Variants in PPP1R1C observed in about 807,000 individuals in gnomAD.
The protein encoded by PPP1R1C is protein phosphatase 1 regulatory inhibitor subunit 1C, also known as protein phosphatase 1 regulatory subunit 1C.
A neutral mutation model predicts 17.4 loss-of-function variants in PPP1R1C; 15 were observed. The ratio of observed to expected loss-of-function variants is 0.86; its 90% CI spans 0.58 to 1.33. PPP1R1C has a LOEUF of 1.33. PPP1R1C is among the 40% of genes most tolerant of loss of function. The pLI is 0.00. For missense variants in PPP1R1C, 143 were observed against 130.0 expected, an observed-to-expected ratio of 1.10 and a Z score of -0.48; for synonymous variants, 35 against 43.1, an observed-to-expected ratio of 0.81 and a Z score of 0.73.
chr2:181,982,681 A>G (rs1233069620), upstream of PPP1R1C, among the ~76,000 whole-genome samples: 1 of 152,158 alleles, frequency 6.6e-6, no homozygotes, highest in East Asian at 1.9e-4. Flanking sequence ...GGGAGGCAGG[A>G]TGGCTTCCAG....
In PPP1R1C at chr2:182,010,159, A is replaced by G. The variant is rs918254645; in HGVS notation, c.142+22260A>G. Reference sequence around the variant, plus strand: ...GTTTTTTTTTTCTATTTCTGTGAAAAGTGTCATTGGTATTTTTATGGGGAT... The same window carrying G: ...GTTTTTTTTTTCTATTTCTGTGAAAGGTGTCATTGGTATTTTTATGGGGAT... On this transcript the variant is annotated intron_variant, in intron 2 of 4. Transcript: ENST00000682840. Among the ~76,000 whole-genome samples the G allele has an allele frequency of 1.8e-4, 27 of 151,848 alleles. 1 individual carries two copies. The highest frequency in any genetic ancestry group is 1.5e-3 in the South Asian group (7 of 4,812).
At chr2:182,107,571 C>G (rs148557735) in intron 4 of PPP1R1C, among the ~76,000 whole-genome samples, 2,283 of 152,284 alleles carry the variant, frequency 0.015, 34 homozygotes, top group South Asian at 0.059. Flanking sequence ...TCCTCACCTT[C>G]TCTTATGCAA....
chr2:182,097,308 C>T (rs1688968871), intron 4 of PPP1R1C, among the ~76,000 whole-genome samples: 1 of 152,142 alleles, frequency 6.6e-6, no homozygotes. Context: ...CCCTAATGTG[C>T]TAGGTTAAAA....
chr2:182,098,207 G>A (rs1182684231), intron 4 of PPP1R1C, among the ~76,000 whole-genome samples: 2 of 151,870 alleles, frequency 1.3e-5, no homozygotes, highest in Non-Finnish European at 2.9e-5. Context: ...TTGTATACCA[G>A]CAGCCTAGAA....
intron 2 of PPP1R1C, among the ~76,000 whole-genome samples, chr2:182,036,124 T>A (rs983133543): frequency 6.6e-6 from 1 of 152,204 alleles, no homozygotes; most frequent in Admixed American, 6.5e-5. Flanking sequence ...AAATTCAACC[T>A]GAATTTGATT....
intron 4 of PPP1R1C, among the ~76,000 whole-genome samples, chr2:182,102,977 A>AT (rs1290325725): frequency 3.3e-5 from 5 of 151,596 alleles, no homozygotes; most frequent in South Asian, 2.1e-4. Context: ...TGGCTGATTT[A>AT]TTTTTTTATA....
upstream of PPP1R1C, among the ~76,000 whole-genome samples, chr2:181,983,096 C>T (rs1259641524): frequency 2.0e-5 from 3 of 152,146 alleles, no homozygotes; most frequent in Non-Finnish European, 4.4e-5. Context: ...TCATATACCA[C>T]GTCATCTTAA....
chr2:182,041,090 G>A (rs1037244494), intron 2 of PPP1R1C, among the ~76,000 whole-genome samples: 13 of 152,034 alleles, frequency 8.6e-5, no homozygotes, highest in South Asian at 4.1e-4. Context: ...AATGCGATAC[G>A]TCCAGATTTG....
At chr2:182,020,116 G>A (rs1686374086) in intron 2 of PPP1R1C, among the ~76,000 whole-genome samples, 1 of 152,176 alleles carries the variant, frequency 6.6e-6, no homozygotes, top group Non-Finnish European at 1.5e-5. Flanking sequence ...GCTGATGACT[G>A]TAAAGATTTA....
At chr2:182,026,463 G>C (rs1401545980) in intron 2 of PPP1R1C, among the ~76,000 whole-genome samples, 1 of 136,280 alleles carries the variant, frequency 7.3e-6, no homozygotes, top group Non-Finnish European at 1.6e-5. Context: ...TTATTAAATA[G>C]GGAATCCTTT....
upstream of PPP1R1C, among the ~76,000 whole-genome samples, chr2:181,982,267 G>A (rs1213623703): frequency 3.3e-5 from 5 of 152,116 alleles, no homozygotes; most frequent in Non-Finnish European, 7.4e-5. Flanking sequence ...TAAGAACTAT[G>A]TATCTATGGT....
intron 2 of PPP1R1C, among the ~76,000 whole-genome samples, chr2:182,037,359 C>T (rs1687042161): frequency 6.6e-6 from 1 of 152,074 alleles, no homozygotes; most frequent in Admixed American, 6.5e-5. Context: ...GAGGCCAAGG[C>T]CAGAGGATCA....
At chr2:182,002,938 C>CA (rs1461754892) in intron 2 of PPP1R1C, among the ~76,000 whole-genome samples, 1 of 142,246 alleles carries the variant, frequency 7.0e-6, no homozygotes, top group South Asian at 2.4e-4. Context: ...CCTCCCCCCC[C>CA]CCACAACCCT....
chr2:182,103,831 A>G (rs917924671), intron 4 of PPP1R1C: 4 of 152,236 alleles, frequency 2.6e-5, no homozygotes, highest in Admixed American at 2.6e-4. Context: ...GAGTAAGTAG[A>G]AGCAAACAGC....
chr2:182,093,027 A>G (rs1688829675), intron 4 of PPP1R1C, among the ~76,000 whole-genome samples: 1 of 152,130 alleles, frequency 6.6e-6, no homozygotes, highest in African/African-American at 2.4e-5. Context: ...TTGACCCCAC[A>G]TTTCCCCTCT....
At chr2:182,075,138 A>G (rs929526354) in intron 4 of PPP1R1C, among the ~76,000 whole-genome samples, 5 of 152,216 alleles carry the variant, frequency 3.3e-5, no homozygotes, top group African/African-American at 1.2e-4. Flanking sequence ...TACCAATGGG[A>G]GCTATGTTGT....
At chr2:181,978,738 C>G (rs990027430) in intron 2 of PPP1R1C, among the ~76,000 whole-genome samples, 1 of 152,002 alleles carries the variant, frequency 6.6e-6, no homozygotes, top group African/African-American at 2.4e-5. Context: ...CTATAGTTTA[C>G]ATATGAGTCA....
At chr2:182,113,726 A>T (rs1236936995) in intron 4 of PPP1R1C, among the ~76,000 whole-genome samples, 1 of 151,704 alleles carries the variant, frequency 6.6e-6, no homozygotes, top group African/African-American at 2.4e-5. Flanking sequence ...GTTGAACTCT[A>T]CCTTAATTGC....
intron 2 of PPP1R1C, among the ~76,000 whole-genome samples, chr2:182,034,170 GA>G (rs2125173442): frequency 6.6e-6 from 1 of 152,254 alleles, no homozygotes; most frequent in East Asian, 1.9e-4. Flanking sequence ...ATTCAGAATA[GA>G]GGCAAAATCA....
Sources: allele counts gnomAD v4.1 joint callset (sites outside exome capture counted in the v4.1 genomes callset), GRCh38; gene constraint gnomAD v4.1.1; transcripts MANE v1.5; gene names NCBI Gene and HGNC (gene_info 2026-07-23, HGNC 2026-07-21).